C12orf42: variants seen among roughly 807,000 people sequenced by gnomAD.
C12orf42 encodes the protein chromosome 12 open reading frame 42.
C12orf42 carries 25 observed loss-of-function variants against 21.6 expected under a neutral mutation model. The ratio of observed to expected loss-of-function variants is 1.16; its 90% CI spans 0.84 to 1.62. The LOEUF is 1.62. Ranked by LOEUF, C12orf42 falls within the 40% of genes most tolerant of loss-of-function variation. The probability of loss-of-function intolerance (pLI) is 0.00; values close to 1 mark genes in which losing one functional copy is unlikely to be tolerated. For missense variants in C12orf42, 483 were observed against 459.3 expected (o/e 1.05, Z -0.47); for synonymous variants, 174 against 175.0 (o/e 0.99, Z 0.05).
intron 4 of C12orf42, among the ~76,000 whole-genome samples, chr12:103,352,200 C>T (rs533577477): frequency 1.3e-5 from 2 of 152,208 alleles, no homozygotes; most frequent in South Asian, 4.1e-4. Flanking sequence ...TAAGAAAGGC[C>T]AAGGAGCTTA....
chr12:103,080,417 A>G, the C12orf42 span, among the ~76,000 whole-genome samples: 1 of 152,150 alleles, frequency 6.6e-6, no homozygotes, highest in African/African-American at 2.4e-5. Context: ...AATCAGCTTC[A>G]TCAACTTCTG....
the C12orf42 span, chr12:103,547,930 T>G: frequency 6.6e-6 from 1 of 152,248 alleles, no homozygotes; most frequent in Non-Finnish European, 1.5e-5. Context: ...ACTAAGGTAA[T>G]AGGCTTCTCG....
chr12:103,170,123 C>T, the C12orf42 span, among the ~76,000 whole-genome samples: 1 of 152,122 alleles, frequency 6.6e-6, no homozygotes, highest in South Asian at 2.1e-4. Flanking sequence ...ACTGGCTATG[C>T]CTTTGAGTCT....
chr12:103,297,699 TC>T (rs1270410519), downstream of C12orf42, among the ~76,000 whole-genome samples: 1 of 151,306 alleles, frequency 6.6e-6, no homozygotes, highest in African/African-American at 2.5e-5. Flanking sequence ...GATGCAAAAA[TC>T]CTCAATAAAA....
At chr12:103,107,104 T>C in the C12orf42 span, among the ~76,000 whole-genome samples, 5 of 152,022 alleles carry the variant, frequency 3.3e-5, no homozygotes, top group African/African-American at 4.8e-5. Context: ...ATATAGACTC[T>C]ACTATGTAAA....
chr12:103,153,672 A>G, the C12orf42 span, among the ~76,000 whole-genome samples: 39 of 152,170 alleles, frequency 2.6e-4, no homozygotes, highest in African/African-American at 9.4e-4. Context: ...ATCTAAAAGG[A>G]TGTGGAACAA....
At chr12:103,507,177 A>C in the C12orf42 span, among the ~76,000 whole-genome samples, 1 of 23,556 alleles carries the variant, frequency 4.2e-5, no homozygotes, top group Non-Finnish European at 5.5e-5. Flanking sequence ...ATATATTTAT[A>C]TTATATATAA....
At chr12:103,053,489 C>G in the C12orf42 span, among the ~76,000 whole-genome samples, 1 of 151,862 alleles carries the variant, frequency 6.6e-6, no homozygotes, top group African/African-American at 2.4e-5. Context: ...TTCACATATT[C>G]TAGATACTAG....
At chr12:103,059,729 T>C in the C12orf42 span, among the ~76,000 whole-genome samples, 2 of 152,086 alleles carry the variant, frequency 1.3e-5, no homozygotes, top group Non-Finnish European at 2.9e-5. Flanking sequence ...CAAAAACCAA[T>C]GTCAAGGATT....
chr12:103,496,046 C>A (rs1408730146), upstream of C12orf42: 1 of 152,576 alleles, frequency 6.6e-6, no homozygotes, highest in Non-Finnish European at 1.5e-5. Context: ...GGCTGCCTTG[C>A]CGTGAGACCC....
the C12orf42 span, among the ~76,000 whole-genome samples, chr12:103,173,590 T>C: frequency 5.3e-5 from 8 of 151,752 alleles, no homozygotes; most frequent in Non-Finnish European, 1.0e-4. Context: ...TAGACCTTTA[T>C]GGAGAAATCA....
chr12:103,358,249 C>G (rs542347416), intron 4 of C12orf42, among the ~76,000 whole-genome samples: 1 of 152,124 alleles, frequency 6.6e-6, no homozygotes, highest in African/African-American at 2.4e-5. Flanking sequence ...GAGAAATAAA[C>G]TCCACCTCTT....
intron 4 of C12orf42, among the ~76,000 whole-genome samples, chr12:103,296,199 T>C (rs1288268756): frequency 6.6e-6 from 1 of 152,012 alleles, no homozygotes; most frequent in Non-Finnish European, 1.5e-5. Flanking sequence ...GAACTCTTCA[T>C]TTTTTATGGC....
At chr12:103,054,618 C>G in the C12orf42 span, among the ~76,000 whole-genome samples, 1 of 151,698 alleles carries the variant, frequency 6.6e-6, no homozygotes, top group Non-Finnish European at 1.5e-5. Context: ...CTATATTGAA[C>G]AAGAGTGGTG....
At chr12:103,177,348 T>C in the C12orf42 span, among the ~76,000 whole-genome samples, 1 of 152,172 alleles carries the variant, frequency 6.6e-6, no homozygotes, top group Admixed American at 6.5e-5. Context: ...CTAAACTATG[T>C]AAAGGCCTTT....
downstream of C12orf42, among the ~76,000 whole-genome samples, chr12:103,299,896 A>G (rs188932106): frequency 6.6e-6 from 1 of 152,340 alleles, no homozygotes; most frequent in African/African-American, 2.4e-5. Context: ...ACTAAAGAGC[A>G]TGATCAGGGC....
At chr12:103,057,348 C>T in the C12orf42 span, among the ~76,000 whole-genome samples, 342 of 152,230 alleles carry the variant, frequency 2.2e-3, 2 homozygotes, top group Non-Finnish European at 3.3e-3. Context: ...CTCTCCCTCC[C>T]GTTGCCCCCC....
At chr12:103,329,523 T>C (rs1308366962) in intron 4 of C12orf42, among the ~76,000 whole-genome samples, 2 of 151,492 alleles carry the variant, frequency 1.3e-5, no homozygotes, top group Non-Finnish European at 2.9e-5. Flanking sequence ...CTTCTTCACA[T>C]GCATCCCAGA....
At chr12:103,266,328 A>G (rs565456402), downstream of C12orf42, among the ~76,000 whole-genome samples, 12 of 152,270 alleles carry the variant, frequency 7.9e-5, no homozygotes, top group Middle Eastern at 3.4e-3. Flanking sequence ...TTTATTTTAG[A>G]AAGTGGATGG....
Sources: allele counts gnomAD v4.1 joint callset (sites outside exome capture counted in the v4.1 genomes callset), GRCh38; gene constraint gnomAD v4.1.1; transcripts MANE v1.5; gene names NCBI Gene and HGNC (gene_info 2026-07-23, HGNC 2026-07-21).